PIEZO1: variants seen among roughly 807,000 people sequenced by gnomAD.
The protein encoded by PIEZO1 is piezo type mechanosensitive ion channel component 1 (Er blood group).
Under a neutral mutation model 297.2 loss-of-function variants are expected in PIEZO1, and 296 were observed. That is an observed-to-expected ratio of 1.00 (90% CI 0.91 to 1.10). PIEZO1 has a LOEUF of 1.10. Among genes scored for constraint, PIEZO1 ranks in the 50% least tolerant of loss-of-function variants. The probability of loss-of-function intolerance (pLI) is 0.00; values close to 1 mark genes in which losing one functional copy is unlikely to be tolerated. For synonymous variants in PIEZO1, 2,427 were observed against 1,507.5 expected, an observed-to-expected ratio of 1.61 and a Z score of -14.13; for missense variants, 5,018 against 3,455.5, an observed-to-expected ratio of 1.45 and a Z score of -11.34.
intron 42 of PIEZO1, 41 bp downstream of exon 42, chr16:88,720,028 C>T: frequency 1.9e-6 from 3 of 1,549,254 alleles, no homozygotes; most frequent in East Asian, 4.9e-5. Context: ...GCCTGCACTG[C>T]CCCGCCCCTG....
At chr16:88,784,142 C>G (rs1195385100) in intron 1 of PIEZO1, among the ~76,000 whole-genome samples, 1 of 152,218 alleles carries the variant, frequency 6.6e-6, no homozygotes, top group Non-Finnish European at 1.5e-5. Flanking sequence ...AGGGGCACCA[C>G]TGCCCGGCAA....
Position 88,727,103 on chromosome 16 carries a change from T to TC in PIEZO1, c.3390_3391insG (p.Asn1131GlufsTer26). ...CGCAGCGGCTCCAGGCGGTCGGTGT[T>TC]GACGCCAGCCATGCGCTGCCACTCC... On this transcript the variant is annotated frameshift_variant, in exon 24 of 51. Coordinates refer to ENST00000301015, the MANE Select transcript of PIEZO1 (RefSeq NM_001142864.4). LOFTEE classifies it high-confidence loss of function. 1 of 1,549,982 alleles carries TC rather than the reference T, an allele frequency of 6.5e-7. No homozygotes were observed. Among genetic ancestry groups the TC allele is most frequent in the Non-Finnish European group, 8.7e-7 (1 of 1,146,706 alleles).
In PIEZO1 at chr16:88,719,802, C is replaced by T. The variant is rs1175021313; in HGVS notation, c.6323G>A (p.Gly2108Glu). 6.4e-7 allele frequency: 1 copy of T among 1,550,478 alleles called. No homozygotes were observed. Among genetic ancestry groups the T allele is most frequent in the Non-Finnish European group, 8.7e-7 (1 of 1,146,928 alleles). ...YNHLNLFLFQ[G>E]FRLVPFLVEL... ...CCCACCCCGGCGGACCTGCACTCAC[C>T]CCTGGAAGAGGAAGAGGTTGAGATG... The change falls in exon 43 of 51, where the codon GGG becomes GAG. Residue 2108 changes from glycine to glutamate, a missense_variant and splice_region_variant. Physicochemically the swap from Gly to Glu is moderately conservative, Grantham distance 98. Coordinates refer to ENST00000301015, the MANE Select transcript of PIEZO1 (RefSeq NM_001142864.4).
At position 88,731,873 on chromosome 16, in the gene PIEZO1, C is replaced by T. The variant is rs746946494; in HGVS notation, c.3029G>A (p.Arg1010His). ...FLMAVNVIGQ[R>H]MNFLVTLHGC... ...GTGCAGGGTCACCAGAAAGTTCATGCGCTGCCCGATCACGTTCACGGCCAT... is the reference window on the plus strand; with the variant it reads ...GTGCAGGGTCACCAGAAAGTTCATGTGCTGCCCGATCACGTTCACGGCCAT... Residue 1010 changes from arginine to histidine, a missense_variant, in exon 22 of 51, where the codon CGC becomes CAC. Physicochemically the swap from Arg to His is conservative, Grantham distance 29 (BLOSUM62 0). Coordinates refer to ENST00000301015, the MANE Select transcript of PIEZO1 (RefSeq NM_001142864.4). 9.8e-5 allele frequency: 105 copies of T among 1,072,776 alleles called. No homozygotes were observed. The highest frequency in any genetic ancestry group is 3.1e-4 in the South Asian group (18 of 58,672). The allele number at this position is 1,072,776 out of a possible 1,614,324, so 66.5% of individuals were successfully genotyped here.
intron 23 of PIEZO1, 40 bp downstream of exon 23, chr16:88,727,517 A>T: frequency 1.4e-6 from 1 of 729,674 alleles, no homozygotes; most frequent in Non-Finnish European, 2.2e-6. Flanking sequence ...ATGTACTCTG[A>T]GGGTCCTCTG....
Position 88,722,233 on chromosome 16 carries a change from TCGCTGGCCGTCCGCATCAGTCCCTGGTA to T in PIEZO1, c.4912_4939del (p.Tyr1638SerfsTer85). ...CCGCCCCCACCTGTCCAGGAGCAGC[TCGCTGGCCGTCCGCATCAGTCCCTGGTA>T]CAGAGAGGCACCAGCCTCACGCTCC... is the stretch of plus-strand genomic sequence containing the variant. On this transcript the variant is annotated frameshift_variant, in exon 36 of 51. Coordinates refer to ENST00000301015, the MANE Select transcript of PIEZO1 (RefSeq NM_001142864.4). LOFTEE classifies it high-confidence loss of function. 1 of 1,547,054 alleles carries T rather than the reference TCGCTGGCCGTCCGCATCAGTCCCTGGTA, an allele frequency of 6.5e-7. No homozygotes were observed. Among genetic ancestry groups the T allele is most frequent in the Non-Finnish European group, 8.7e-7 (1 of 1,146,760 alleles).
intron 39 of PIEZO1, 75 bp downstream of exon 39, chr16:88,721,091 G>GAGAA: frequency 1.4e-6 from 2 of 1,384,908 alleles, no homozygotes; most frequent in Non-Finnish European, 1.9e-6. Flanking sequence ...CGTCTCATCT[G>GAGAA]AGAAAGACCC....
chr16:88,726,923 C>T lies in PIEZO1; in HGVS notation c.3491G>A (p.Arg1164Gln), dbSNP rs753916621. 18 of 1,550,406 alleles carry T rather than the reference C, an allele frequency of 1.2e-5. No individual in the cohort carries two copies. Among genetic ancestry groups the T allele is most frequent in the Non-Finnish European group, 1.4e-5 (16 of 1,146,894 alleles). Reference protein sequence around the residue: ...YLDMLKVAVFRYLFWLVLVVV... With the variant: ...YLDMLKVAVFQYLFWLVLVVV... ...CACCAGCACCAGCCAGAACAGGTAT[C>T]GGAAGACGGCCACCTTCAGCATGTC... The change falls in exon 25 of 51, where the codon CGA becomes CAA. Residue 1164 changes from arginine (R) to glutamine (Q), a missense_variant. Coordinates refer to ENST00000301015, the MANE Select transcript of PIEZO1 (RefSeq NM_001142864.4).
intron 27 of PIEZO1, 44 bp downstream of exon 27, chr16:88,726,240 G>A (rs754493168): frequency 1.6e-5 from 24 of 1,495,558 alleles, no homozygotes; most frequent in Non-Finnish European, 2.0e-5. Context: ...CCCCCTCCCA[G>A]CCCCAAGACG....
At position 88,720,200 on chromosome 16, in the gene PIEZO1, C is replaced by T. The variant is rs1017996521; in HGVS notation, c.6033G>A (p.Gln2011=). Residue 2011 remains glutamine (Q), a synonymous_variant, in exon 42 of 51, where the codon CAG becomes CAA. Transcript: ENST00000301015. ...CGCGGTCAACCACCATGGTACTGAACTGGATCAGCAGCATGACCAGGAAAG... is the reference window on the plus strand; with the variant it reads ...CGCGGTCAACCACCATGGTACTGAATTGGATCAGCAGCATGACCAGGAAAG... The part of the protein sequence containing the change: ...PEAFLVMLLI[Q]FSTMVVDRAL... The T allele has an allele frequency of 1.9e-6, 3 of 1,550,440 alleles. No homozygotes were observed. The highest frequency in any genetic ancestry group is 2.7e-5 in the African/African-American group (2 of 73,058).
intron 1 of PIEZO1, among the ~76,000 whole-genome samples, chr16:88,756,132 A>G (rs377449780): frequency 7.9e-5 from 12 of 152,236 alleles, no homozygotes; most frequent in African/African-American, 2.9e-4. Flanking sequence ...TGCGGCCGCC[A>G]TCTGGGAGCC....
chr16:88,763,050 TG>T (rs1907002793), intron 1 of PIEZO1, among the ~76,000 whole-genome samples: 1 of 152,188 alleles, frequency 6.6e-6, no homozygotes, highest in African/African-American at 2.4e-5. Context: ...CAAAACAGTC[TG>T]GCCCTGGGGC....
In PIEZO1 at chr16:88,732,416, G is replaced by A. The variant is rs1420398617; in HGVS notation, c.2910C>T (p.Gly970=). The A allele has an allele frequency of 6.5e-7, 1 of 1,549,772 alleles. No homozygotes were observed. Among genetic ancestry groups the A allele is most frequent in the South Asian group, 1.2e-5 (1 of 84,062 alleles). ...GATCCTGGTCCAGCTGCTGGCGGGTGCCGCTGGCAAACACGGCCTGGGCAG... is the reference window on the plus strand; with the variant it reads ...GATCCTGGTCCAGCTGCTGGCGGGTACCGCTGGCAAACACGGCCTGGGCAG... The part of the protein sequence containing the change: ...PLPAQAVFAS[G]TRQQLDQDLL... Residue 970 remains glycine (G), a synonymous_variant, in exon 21 of 51, where the codon GGC becomes GGT. Coordinates refer to ENST00000301015, the MANE Select transcript of PIEZO1 (RefSeq NM_001142864.4).
rs1490706446 is a variant in PIEZO1 at position 88,725,732 on chromosome 16, G to A, written c.3969-48C>T. The A allele has an allele frequency of 1.9e-5, 18 of 957,122 alleles. No individual in the cohort carries two copies. In the East Asian group the frequency reaches 2.9e-4, roughly 15 times the overall value. The allele number at this position is 957,122 out of a possible 1,614,324, so 59.3% of individuals were successfully genotyped here. A position where few individuals can be genotyped will look rare whatever the true frequency, so the allele number is the denominator to read the frequency against. On this transcript the variant is annotated intron_variant, in intron 27 of 50. Coordinates refer to ENST00000301015, the MANE Select transcript of PIEZO1 (RefSeq NM_001142864.4). ...TGTGAGCACCAGGCACTCGACCCCA[G>A]CAACATGGGCAGCCGCCGCTCCCCG... is the stretch of plus-strand genomic sequence containing the variant.
intron 44 of PIEZO1, chr16:88,717,506 C>G (rs1255945384): frequency 3.6e-6 from 2 of 560,310 alleles, no homozygotes; most frequent in South Asian, 3.1e-5. Context: ...TGAAACGCAA[C>G]TCCTGCCTCA....
At chr16:88,743,810 T>A (rs908644692) in intron 2 of PIEZO1, 2 of 378,108 alleles carry the variant, frequency 5.3e-6, no homozygotes, top group African/African-American at 2.1e-5. Context: ...CACACCTTCC[T>A]AGGGTTGCCC....
rs1410101886 is a variant in PIEZO1 at position 88,737,633 on chromosome 16, G to T, written c.1121C>A (p.Thr374Lys). 1.8e-5 allele frequency: 27 copies of T among 1,534,622 alleles called. No individual in the cohort carries two copies. The highest frequency in any genetic ancestry group is 2.3e-5 in the Non-Finnish European group (26 of 1,146,274). Residue 374 changes from threonine to lysine, a missense_variant, in exon 10 of 51, where the codon ACA (threonine) becomes AAA (lysine). Thr to Lys is a moderately conservative substitution (Grantham distance 78, BLOSUM62 -1). Coordinates refer to ENST00000301015, the MANE Select transcript of PIEZO1 (RefSeq NM_001142864.4). ...GTTATCAGCCTCGGTGTCGGGTGCT[G>T]TGGGCACCACGTGCTGTGGGCAAGC... is the stretch of plus-strand genomic sequence containing the variant. ...ERESDQHVVP[T>K]APDTEADNCI...
Position 88,726,584 on chromosome 16 carries a change from G to C in PIEZO1, c.3759C>G (p.Leu1253=), listed in dbSNP as rs946170817. 1.3e-6 allele frequency: 2 copies of C among 1,549,942 alleles called. No individual in the cohort carries two copies. Among genetic ancestry groups the C allele is most frequent in the South Asian group, 1.2e-5 (1 of 84,038 alleles). The change falls in exon 26 of 51, where the codon CTC becomes CTG. Residue 1253 remains leucine, a synonymous_variant. Coordinates refer to ENST00000301015, the MANE Select transcript of PIEZO1 (RefSeq NM_001142864.4). ...CCTTGACGGTGCATACAAGGCTGAA[G>C]AGCTGGATGACCCAGCAGAAGCCGG... ...MQTGFCWVIQ[L]FSLVCTVKGY...
At chr16:88,783,695 C>T (rs1908036445) in intron 1 of PIEZO1, among the ~76,000 whole-genome samples, 1 of 152,222 alleles carries the variant, frequency 6.6e-6, no homozygotes, top group Admixed American at 6.5e-5. Context: ...ACAGGGCTGA[C>T]CGCACTGAAG....
Sources: allele counts gnomAD v4.1 joint callset (sites outside exome capture counted in the v4.1 genomes callset), GRCh38; gene constraint gnomAD v4.1.1; transcripts MANE v1.5; gene names NCBI Gene and HGNC (gene_info 2026-07-23, HGNC 2026-07-21).